Variants in SMAD9 observed in about 807,000 individuals in gnomAD.
SMAD9 encodes SMAD family member 9.
SMAD9 carries 36 observed loss-of-function variants against 46.1 expected under a neutral mutation model. That is an observed-to-expected ratio of 0.78 (90% CI 0.60 to 1.03). SMAD9 has a LOEUF of 1.03. Ranked by LOEUF, SMAD9 falls within the 50% of genes least tolerant of loss-of-function variation. The pLI is 0.00. For synonymous variants in SMAD9, 245 were observed against 237.1 expected, an observed-to-expected ratio of 1.03 and a Z score of -0.31; for missense variants, 572 against 599.8, an observed-to-expected ratio of 0.95 and a Z score of 0.48.
intron 1 of SMAD9, among the ~76,000 whole-genome samples, chr13:36,919,834 C>A (rs1453765467): frequency 6.7e-6 from 1 of 149,208 alleles, no homozygotes; most frequent in African/African-American, 2.5e-5. Flanking sequence ...CCCCACCCCA[C>A]CCCACTCCAC....
chr13:36,919,140 G>A (rs190563461), intron 1 of SMAD9, among the ~76,000 whole-genome samples: 1 of 152,182 alleles, frequency 6.6e-6, no homozygotes, highest in South Asian at 2.1e-4. Flanking sequence ...GTTCTCAGGA[G>A]TACCCACTCC....
chr13:36,903,046 G>C (rs999879992), intron 1 of SMAD9, among the ~76,000 whole-genome samples: 2 of 151,882 alleles, frequency 1.3e-5, no homozygotes, highest in Non-Finnish European at 2.9e-5. Context: ...CTGTCAAAGA[G>C]GAGTTTACAT....
At chr13:36,869,053 G>A (rs539733158) in intron 3 of SMAD9, among the ~76,000 whole-genome samples, 31 of 152,096 alleles carry the variant, frequency 2.0e-4, no homozygotes, top group Non-Finnish European at 4.3e-4. Flanking sequence ...TGAGGTACTT[G>A]CAATAGGCAA....
rs1263522508 is a variant in SMAD9 at position 36,846,847 on chromosome 13, G to A, written c.*1829C>T. 2.0e-5 allele frequency: 3 copies of A among 152,188 alleles called. No homozygotes were observed. Among genetic ancestry groups the A allele is most frequent in the African/African-American group, 7.2e-5 (3 of 41,442 alleles). The allele number at this position is 152,188 out of a possible 1,614,324, so 9.4% of individuals were successfully genotyped here. A position where few individuals can be genotyped will look rare whatever the true frequency, so the allele number is the denominator to read the frequency against. ...TACATTATTTTGTTTTGTTTTAAAA[G>A]TTCTGAAACATGAAGATGTCTGTAC... On this transcript the variant is annotated 3_prime_UTR_variant, in exon 7 of 7. Transcript: ENST00000379826.
intron 1 of SMAD9, among the ~76,000 whole-genome samples, chr13:36,901,723 C>A (rs765859974): frequency 6.6e-6 from 1 of 152,142 alleles, no homozygotes. Context: ...CCACTGTGCC[C>A]GGTCCACTGT....
intron 1 of SMAD9, among the ~76,000 whole-genome samples, chr13:36,900,949 G>C (rs1408829959): frequency 2.0e-5 from 3 of 151,886 alleles, no homozygotes; most frequent in Middle Eastern, 3.4e-3. Context: ...CCTCCCCATC[G>C]ACCCTGGCAA....
At chr13:36,872,534 C>CT (rs776460947) in intron 3 of SMAD9, 124 bp downstream of exon 3, 2 of 1,153,336 alleles carry the variant, frequency 1.7e-6, no homozygotes, top group Non-Finnish European at 2.6e-6. Flanking sequence ...AGGCTGATTG[C>CT]TTTGTAAACT....
chr13:36,902,067 G>C (rs2058581049), intron 1 of SMAD9, among the ~76,000 whole-genome samples: 1 of 151,824 alleles, frequency 6.6e-6, no homozygotes, highest in African/African-American at 2.4e-5. Context: ...CAAATTCAAG[G>C]TTATAAATAT....
chr13:36,864,904 T>C (rs1231500210), intron 5 of SMAD9, among the ~76,000 whole-genome samples: 2 of 152,138 alleles, frequency 1.3e-5, no homozygotes, highest in African/African-American at 4.8e-5. Context: ...ACTATTCCAA[T>C]AGAAAAGAAA....
chr13:36,894,004 G>C (rs1469023821), intron 1 of SMAD9, among the ~76,000 whole-genome samples: 1 of 151,918 alleles, frequency 6.6e-6, no homozygotes, highest in Non-Finnish European at 1.5e-5. Flanking sequence ...TATATAACAT[G>C]GTCCCTGCTG....
In SMAD9 at chr13:36,879,518, C is replaced by A. The variant is rs774284921; in HGVS notation, c.172G>T (p.Ala58Ser). 8.7e-6 allele frequency: 14 copies of A among 1,614,000 alleles called. No homozygotes were observed. The African/African-American group carries it at 1.7e-4, about 20-fold the overall frequency. Residue 58 changes from alanine to serine, a missense_variant, in exon 2 of 7, where the codon GCT (alanine) becomes TCT (serine). Ala to Ser is a moderately conservative substitution (Grantham distance 99). Transcript: ENST00000379826. ...CTGGGCTGCCCCGGGCAGCTGAGAG[C>A]CCTCTCCAGCTCGTCCATGGCTCCC... ...KKGAMDELER[A>S]LSCPGQPSKC...
intron 1 of SMAD9, among the ~76,000 whole-genome samples, chr13:36,901,574 C>T (rs1566037884): frequency 6.6e-6 from 1 of 152,052 alleles, no homozygotes; most frequent in Non-Finnish European, 1.5e-5. Context: ...ACTACAGGCA[C>T]GTGCCACCAT....
intron 5 of SMAD9, 26 bp from the exon 6 acceptor site, chr13:36,853,701 C>G (rs772363900): frequency 1.9e-6 from 3 of 1,612,846 alleles, no homozygotes; most frequent in Middle Eastern, 1.6e-4. Flanking sequence ...CACAGCCTTC[C>G]TTCACATGCC....
rs1221552264 is a variant in SMAD9, at chr13:36,847,332, T to C, written c.*1344A>G. The stretch of plus-strand genomic sequence containing the variant: ...AAATTGTACATTTTTAAAGAGGGTG[T>C]GAAATATTTTTCCAAGCAATGCAGT... On this transcript the variant is annotated 3_prime_UTR_variant, in exon 7 of 7. Transcript: ENST00000379826. The C allele has an allele frequency of 6.6e-6, 1 of 152,194 alleles. No homozygotes were observed. The highest frequency in any genetic ancestry group is 2.4e-5 in the African/African-American group (1 of 41,452). The allele number at this position is 152,194 out of a possible 1,614,324, so 9.4% of individuals were successfully genotyped here.
At position 36,848,093 on chromosome 13, in the gene SMAD9, A is replaced by G. The variant is rs1727487358; in HGVS notation, c.*583T>C. 1 of 152,842 alleles carries G rather than the reference A, an allele frequency of 6.5e-6. No individual in the cohort carries two copies. The highest frequency in any genetic ancestry group is 2.1e-4 in the South Asian group (1 of 4,856). The allele number at this position is 152,842 out of a possible 1,614,324, so 9.5% of individuals were successfully genotyped here. On this transcript the variant is annotated 3_prime_UTR_variant, in exon 7 of 7. Transcript: ENST00000379826. ...TCCGATCACAGTTTGTTTAAAATGT[A>G]CCACTGAATATGAGCACAGGAGCCC... is the stretch of plus-strand genomic sequence containing the variant.
At chr13:36,874,185 C>T (rs1382664070) in intron 2 of SMAD9, among the ~76,000 whole-genome samples, 3 of 152,142 alleles carry the variant, frequency 2.0e-5, no homozygotes, top group Non-Finnish European at 4.4e-5. Context: ...CAAAGGAAAA[C>T]CTCAAAGAGC....
At chr13:36,904,842 C>CT (rs1189279683) in intron 1 of SMAD9, among the ~76,000 whole-genome samples, 1 of 152,222 alleles carries the variant, frequency 6.6e-6, no homozygotes, top group Non-Finnish European at 1.5e-5. Flanking sequence ...TCAATAAATT[C>CT]TTATTGTTAT....
At chr13:36,916,583 T>G (rs745552135) in intron 1 of SMAD9, among the ~76,000 whole-genome samples, 6 of 152,108 alleles carry the variant, frequency 3.9e-5, no homozygotes, top group Non-Finnish European at 8.8e-5. Context: ...TATTTGTTAT[T>G]TATTGATAGA....
chr13:36,916,248 A>C (rs957009957), intron 1 of SMAD9, among the ~76,000 whole-genome samples: 4 of 152,212 alleles, frequency 2.6e-5, no homozygotes, highest in Non-Finnish European at 5.9e-5. Flanking sequence ...GTGGAATCAC[A>C]TTAGTGTTTC....
Sources: allele counts gnomAD v4.1 joint callset (sites outside exome capture counted in the v4.1 genomes callset), GRCh38; gene constraint gnomAD v4.1.1; transcripts MANE v1.5; gene names NCBI Gene and HGNC (gene_info 2026-07-23, HGNC 2026-07-21).